The following CUL4B variants were observed in gnomAD, a reference collection of about 807,000 sequenced individuals.
CUL4B encodes the protein cullin 4B, also known as cullin-4B.
In CUL4B, 1 loss-of-function variant was observed where a neutral mutation model predicts 69.2. The observed-to-expected ratio is 0.01, with a 90% confidence interval of 0.01 to 0.07. The LOEUF is 0.07. Ranked by LOEUF, CUL4B falls within the 10% of genes least tolerant of loss-of-function variation. The pLI is 1.00. For synonymous variants in CUL4B, 237 were observed against 223.2 expected, an observed-to-expected ratio of 1.06 and a Z score of -0.55; for missense variants, 328 against 638.8, an observed-to-expected ratio of 0.51 and a Z score of 5.24.
intron 2 of CUL4B, among the ~76,000 whole-genome samples, chrX:120,552,450 A>C (rs1924747627): frequency 8.9e-6 from 1 of 112,732 alleles, no homozygotes; most frequent in African/African-American, 3.2e-5. Flanking sequence ...ACCCAGCCTT[A>C]CAAGTCTTTT....
intron 1 of CUL4B, among the ~76,000 whole-genome samples, chrX:120,558,901 T>C (rs181974679): frequency 1.8e-5 from 2 of 112,086 alleles, no homozygotes; most frequent in African/African-American, 6.5e-5. Flanking sequence ...AAAATCCATA[T>C]ATTTTTAAGT....
At chrX:120,553,719 C>T (rs1421709657) in intron 2 of CUL4B, among the ~76,000 whole-genome samples, 2 of 111,251 alleles carry the variant, frequency 1.8e-5, no homozygotes, top group Non-Finnish European at 3.8e-5. Context: ...GCCTGGGCAA[C>T]ATAGCAAGAC....
intron 2 of CUL4B, among the ~76,000 whole-genome samples, chrX:120,548,645 C>A (rs772401221): frequency 1.8e-3 from 194 of 109,979 alleles, no homozygotes; most frequent in Non-Finnish European, 2.5e-3. Context: ...ATCAGCCTGG[C>A]CAACATAGTG....
intron 3 of CUL4B, 123 bp downstream of exon 3, chrX:120,547,013 A>T: frequency 2.0e-6 from 1 of 506,040 alleles, no homozygotes; most frequent in South Asian, 2.8e-5. Context: ...GAGAAACACA[A>T]GGCACAAAAA....
At chrX:120,547,986 C>T in intron 2 of CUL4B, among the ~76,000 whole-genome samples, 1 of 110,651 alleles carries the variant, frequency 9.0e-6, no homozygotes, top group Non-Finnish European at 1.9e-5. Flanking sequence ...ATTGTGGGAC[C>T]TTGTGATCGT....
At chrX:120,566,387 A>ATATG (rs1436287601), upstream of CUL4B, among the ~76,000 whole-genome samples, 1 of 68,773 alleles carries the variant, frequency 1.5e-5, no homozygotes, top group African/African-American at 5.0e-5. Flanking sequence ...ATATATATAT[A>ATATG]TATGTATATA....
chrX:120,565,979 C>T (rs1426653513), upstream of CUL4B, among the ~76,000 whole-genome samples: 2 of 108,253 alleles, frequency 1.8e-5, no homozygotes, highest in Non-Finnish European at 1.9e-5. Flanking sequence ...CCGCCCGCCT[C>T]GGCCTCCCAA....
chrX:120,566,826 AAGC>A (rs771092425), downstream of CUL4B, among the ~76,000 whole-genome samples: 5 of 111,517 alleles, frequency 4.5e-5, no homozygotes, highest in Non-Finnish European at 9.4e-5. Context: ...ACCATCTGGA[AAGC>A]AGATTTAAGG....
At chrX:120,544,748 G>A in intron 5 of CUL4B, 105 bp from the exon 6 acceptor site, 1 of 615,694 alleles carries the variant, frequency 1.6e-6, no homozygotes, top group Non-Finnish European at 2.6e-6. Context: ...GGGCTCCAGG[G>A]CTTTGAAGCA....
intron 1 of CUL4B, among the ~76,000 whole-genome samples, chrX:120,574,968 T>A (rs1479293376): frequency 8.9e-6 from 1 of 111,890 alleles, no homozygotes; most frequent in Admixed American, 9.5e-5. Flanking sequence ...CAAAACAGAT[T>A]CCCCTCAAAG....
intron 2 of CUL4B, among the ~76,000 whole-genome samples, chrX:120,553,927 C>T (rs1446394112): frequency 9.0e-6 from 1 of 111,195 alleles, no homozygotes; most frequent in African/African-American, 3.3e-5. Context: ...TCTTTTTAAG[C>T]GTAGAGGGAC....
chrX:120,534,395 G>T (rs1923525104), intron 17 of CUL4B, 86 bp downstream of exon 17: 1 of 671,924 alleles, frequency 1.5e-6, no homozygotes, highest in East Asian at 3.2e-5. Context: ...CAGTTCTGAG[G>T]CAAGGAATTA....
chrX:120,573,253 A>G (rs1925767542), intron 2 of CUL4B, among the ~76,000 whole-genome samples: 1 of 111,264 alleles, frequency 9.0e-6, no homozygotes, highest in Non-Finnish European at 1.9e-5. Context: ...CGCTTAATAT[A>G]TATTAGAGAT....
At chrX:120,532,215 A>G (rs762670443) in intron 18 of CUL4B, 6 of 372,596 alleles carry the variant, frequency 1.6e-5, no homozygotes, top group African/African-American at 1.0e-4. Flanking sequence ...AAAGTAAGAT[A>G]TGAAACTATG....
chrX:120,559,816 T>C (rs1288820642), intron 1 of CUL4B: 2 of 1,110,931 alleles, frequency 1.8e-6, no homozygotes, highest in Admixed American at 5.4e-5. Flanking sequence ...TTGTCAGTGT[T>C]ATAAGGAATA....
intron 2 of CUL4B, among the ~76,000 whole-genome samples, chrX:120,553,851 G>A (rs964985088): frequency 1.2e-4 from 13 of 111,944 alleles, no homozygotes; most frequent in African/African-American, 4.2e-4. Context: ...CTTATTAATA[G>A]TAAAAAAACT....
intron 10 of CUL4B, among the ~76,000 whole-genome samples, chrX:120,540,779 A>C (rs1164124264): frequency 8.9e-6 from 1 of 112,372 alleles, no homozygotes; most frequent in Non-Finnish European, 1.9e-5. Context: ...CTGGAGTTAC[A>C]GGCATGTACC....
chrX:120,526,199 C>T lies in CUL4B; in HGVS notation c.*562G>A, dbSNP rs1922957973. 1 of 112,164 alleles carries T rather than the reference C, an allele frequency of 8.9e-6. No individual in the cohort carries two copies. Among genetic ancestry groups the T allele is most frequent in the African/African-American group, 3.3e-5 (1 of 30,725 alleles). 9.2% of individuals were successfully genotyped at this position (112,164 alleles called of 1,213,427 possible). On this transcript the variant is annotated 3_prime_UTR_variant, in exon 20 of 20. Coordinates refer to ENST00000371322, the MANE Select transcript of CUL4B (RefSeq NM_001079872.2). ...TTTCCAAATAATTTTTTTTAAAAAA[C>T]ATCCCTTTCAGTGTAACAGAACATC... is the stretch of plus-strand genomic sequence containing the variant.
chrX:120,535,559 A>G (rs1317496492), intron 16 of CUL4B, among the ~76,000 whole-genome samples: 1 of 108,940 alleles, frequency 9.2e-6, no homozygotes, highest in African/African-American at 3.3e-5. Context: ...AAAAAAAATT[A>G]GCTGGGTATG....
Sources: allele counts gnomAD v4.1 joint callset (sites outside exome capture counted in the v4.1 genomes callset), GRCh38; gene constraint gnomAD v4.1.1; transcripts MANE v1.5; gene names NCBI Gene and HGNC (gene_info 2026-07-23, HGNC 2026-07-21).